Variants in CDKAL1 observed in about 807,000 individuals in gnomAD.
The protein encoded by CDKAL1 is threonylcarbamoyladenosine tRNA methylthiotransferase.
A neutral mutation model predicts 68.2 loss-of-function variants in CDKAL1; 32 were observed. The observed-to-expected ratio is 0.47, with a 90% CI of 0.35 to 0.63. CDKAL1 has a LOEUF of 0.63. CDKAL1 is among the 30% of genes least tolerant of loss of function. The pLI is 0.00. For synonymous variants in CDKAL1, 234 were observed against 244.3 expected (o/e 0.96, Z 0.39); for missense variants, 606 against 696.7 (o/e 0.87, Z 1.47).
intron 7 of CDKAL1, among the ~76,000 whole-genome samples, chr6:20,778,328 T>C (rs9465891): frequency 0.44 from 67,641 of 152,068 alleles, 15,242 homozygotes; most frequent in South Asian, 0.5. Context: ...GGCACACCAT[T>C]GTGAAAGTGA....
intron 11 of CDKAL1, among the ~76,000 whole-genome samples, chr6:21,030,213 C>G (rs1769198716): frequency 6.6e-6 from 1 of 152,142 alleles, no homozygotes; most frequent in Admixed American, 6.6e-5. Context: ...TCATCCTCAG[C>G]AAACTAACAC....
intron 15 of CDKAL1, among the ~76,000 whole-genome samples, chr6:21,205,590 GCC>G (rs1444908368): frequency 6.6e-6 from 1 of 151,860 alleles, no homozygotes; most frequent in East Asian, 1.9e-4. Context: ...GAGTGCAGTG[GCC>G]TGATCTCGGC....
At chr6:20,942,008 G>C (rs1040005361) in intron 9 of CDKAL1, among the ~76,000 whole-genome samples, 3 of 152,108 alleles carry the variant, frequency 2.0e-5, no homozygotes, top group Admixed American at 2.0e-4. Flanking sequence ...GCCTCTCATA[G>C]CAGAATTTAA....
intron 5 of CDKAL1, among the ~76,000 whole-genome samples, chr6:20,696,140 A>G (rs1771096878): frequency 6.6e-6 from 1 of 152,244 alleles, no homozygotes; most frequent in Admixed American, 6.5e-5. Context: ...TGTTGTCCCA[A>G]AGGCATTCCA....
chr6:20,794,788 G>A (rs1294649127), intron 8 of CDKAL1, among the ~76,000 whole-genome samples: 1 of 152,088 alleles, frequency 6.6e-6, no homozygotes, highest in Non-Finnish European at 1.5e-5. Context: ...ACTCTCACAG[G>A]TGATACACCT....
intron 9 of CDKAL1, among the ~76,000 whole-genome samples, chr6:20,870,387 C>T (rs944755701): frequency 1.3e-5 from 2 of 152,196 alleles, no homozygotes; most frequent in Admixed American, 1.3e-4. Context: ...AAGAGGTTAA[C>T]AAAATGTATC....
At chr6:21,092,134 C>T (rs1392428299) in intron 12 of CDKAL1, among the ~76,000 whole-genome samples, 4 of 150,214 alleles carry the variant, frequency 2.7e-5, no homozygotes, top group Non-Finnish European at 5.9e-5. Flanking sequence ...GATCCGCCCG[C>T]CTCGGCCTCC....
chr6:20,579,226 G>T (rs1279195687), intron 4 of CDKAL1, among the ~76,000 whole-genome samples: 1 of 152,090 alleles, frequency 6.6e-6, no homozygotes, highest in East Asian at 1.9e-4. Context: ...TGATCCACCT[G>T]CTTCAGCCTC....
chr6:21,196,968 G>A (rs1388898555), intron 13 of CDKAL1, among the ~76,000 whole-genome samples: 1 of 152,016 alleles, frequency 6.6e-6, no homozygotes, highest in Non-Finnish European at 1.5e-5. Context: ...GACCAGCCTG[G>A]CCAACATGGC....
chr6:20,914,948 A>G (rs1010362508), intron 9 of CDKAL1, among the ~76,000 whole-genome samples: 5 of 152,184 alleles, frequency 3.3e-5, no homozygotes, highest in South Asian at 2.1e-4. Context: ...TATGGTGGGT[A>G]TAAGATTGAA....
chr6:20,908,881 G>A (rs558626008), intron 9 of CDKAL1, among the ~76,000 whole-genome samples: 1 of 152,204 alleles, frequency 6.6e-6, no homozygotes, highest in African/African-American at 2.4e-5. Context: ...TGAAAGTGGT[G>A]GTTTTGCTTC....
chr6:20,680,065 T>C (rs903551467), intron 5 of CDKAL1, among the ~76,000 whole-genome samples: 3 of 152,128 alleles, frequency 2.0e-5, no homozygotes, highest in African/African-American at 7.2e-5. Context: ...TTTTAATTTT[T>C]TTTAATTTTT....
At chr6:20,779,447 A>G (rs1432227576) in intron 7 of CDKAL1, among the ~76,000 whole-genome samples, 1 of 152,238 alleles carries the variant, frequency 6.6e-6, no homozygotes, top group East Asian at 1.9e-4. Context: ...GAATAGAGAT[A>G]GACTCTGATA....
intron 4 of CDKAL1, among the ~76,000 whole-genome samples, chr6:20,589,161 A>G (rs771657308): frequency 6.6e-6 from 1 of 152,196 alleles, no homozygotes; most frequent in Admixed American, 6.5e-5. Flanking sequence ...TTCACATATT[A>G]TGAATGTTGA....
intron 2 of CDKAL1, among the ~76,000 whole-genome samples, chr6:20,536,472 A>G (rs1763176810): frequency 6.6e-6 from 1 of 152,018 alleles, no homozygotes; most frequent in Non-Finnish European, 1.5e-5. Context: ...GTTGCTATCC[A>G]GTTATCCCAG....
intron 5 of CDKAL1, among the ~76,000 whole-genome samples, chr6:20,670,770 T>G (rs1769775645): frequency 6.6e-6 from 1 of 152,210 alleles, no homozygotes; most frequent in Non-Finnish European, 1.5e-5. Flanking sequence ...TTTCCTTTTG[T>G]TTTTTACTTA....
intron 5 of CDKAL1, among the ~76,000 whole-genome samples, chr6:20,738,656 G>A (rs1184206598): frequency 2.0e-5 from 3 of 151,824 alleles, no homozygotes; most frequent in South Asian, 4.2e-4. Flanking sequence ...GCCCCACCAT[G>A]CCTGGCTAAT....
At chr6:20,931,939 C>T (rs1255930517) in intron 9 of CDKAL1, among the ~76,000 whole-genome samples, 2 of 152,224 alleles carry the variant, frequency 1.3e-5, no homozygotes, top group Non-Finnish European at 2.9e-5. Flanking sequence ...ATTTAATACA[C>T]ATCTCAAATG....
intron 8 of CDKAL1, among the ~76,000 whole-genome samples, chr6:20,803,479 A>AT (rs1397428419): frequency 6.6e-6 from 1 of 152,208 alleles, no homozygotes; most frequent in Non-Finnish European, 1.5e-5. Context: ...CGTTTGTACA[A>AT]TTTTTATCAT....
Sources: gnomAD v4.1 joint callset for allele counts (sites outside exome capture counted in the v4.1 genomes callset) on GRCh38, gnomAD v4.1.1 for gene constraint, MANE v1.5 for transcripts, NCBI Gene and HGNC (gene_info 2026-07-23, HGNC 2026-07-21) for gene names.